Variants in PFKP observed in about 807,000 individuals in gnomAD.
The protein encoded by PFKP is ATP-dependent 6-phosphofructokinase, platelet type.
A neutral mutation model predicts 94.3 loss-of-function variants in PFKP; 101 were observed. The observed-to-expected ratio is 1.07, with a 90% CI of 0.91 to 1.26. The LOEUF (loss-of-function observed/expected upper bound fraction) is 1.26. Among genes scored for constraint, PFKP ranks in the 50% most tolerant of loss-of-function variants. The pLI is 0.00. For missense variants in PFKP, 1,145 were observed against 1,103.3 expected (o/e 1.04, Z -0.53); for synonymous variants, 573 against 432.6 (o/e 1.32, Z -4.03).
chr10:3,116,806 G>C lies in PFKP; in HGVS notation c.1402G>C (p.Gly468Arg). 6 of 1,613,908 alleles carry C rather than the reference G, an allele frequency of 3.7e-6. No homozygotes were observed. The highest frequency in any genetic ancestry group is 5.1e-6 in the Non-Finnish European group (6 of 1,179,758). The part of the protein sequence containing the change: ...IKEIGWTDVG[G>R]WTGQGGSILG... Reference sequence around the variant, plus strand: ...AGAAATCGGCTGGACAGATGTCGGGGGCTGGACCGGCCAAGGAGGCTCCAT... The same window carrying C: ...AGAAATCGGCTGGACAGATGTCGGGCGCTGGACCGGCCAAGGAGGCTCCAT... Residue 468 changes from glycine to arginine, a missense_variant, in exon 14 of 22, where the codon GGC (glycine) becomes CGC (arginine). This residue lies in a region of PFKP where 1,119 missense variants were observed against 1,062.8 expected (regional missense o/e 1.05). Transcript: ENST00000381125.
intron 10 of PFKP, among the ~76,000 whole-genome samples, chr10:3,110,311 G>T (rs1465821324): frequency 2.0e-5 from 3 of 150,954 alleles, no homozygotes; most frequent in African/African-American, 2.4e-5. Context: ...CCATTCTCCT[G>T]CCTCAGCCTT....
intron 5 of PFKP, chr10:3,104,885 G>C: frequency 1.6e-6 from 1 of 609,224 alleles, no homozygotes; most frequent in Non-Finnish European, 2.9e-6. Context: ...AGAGCGCAGA[G>C]GTGGCTCAAG....
At chr10:3,093,833 TGG>T (rs1834259516) in intron 2 of PFKP, among the ~76,000 whole-genome samples, 1 of 151,918 alleles carries the variant, frequency 6.6e-6, no homozygotes, top group African/African-American at 2.4e-5. Flanking sequence ...TTAGTAGAGG[TGG>T]GGTTTCACCG....
chr10:3,079,255 GAC>G (rs1005121692), intron 1 of PFKP, among the ~76,000 whole-genome samples: 5 of 149,948 alleles, frequency 3.3e-5, no homozygotes, highest in Admixed American at 3.3e-4. Flanking sequence ...TTTTTTCTGA[GAC>G]AGAGTCTCGC....
chr10:3,101,225 A>G, intron 3 of PFKP, 140 bp from the exon 4 acceptor site: 1 of 780,438 alleles, frequency 1.3e-6, no homozygotes. Context: ...ACAGTCTTTC[A>G]TAGCTAGTTA....
intron 18 of PFKP, among the ~76,000 whole-genome samples, chr10:3,132,795 C>T (rs1838746620): frequency 6.6e-6 from 1 of 152,166 alleles, no homozygotes. Flanking sequence ...TACCCGCCCC[C>T]TGTATACACG....
chr10:3,073,834 G>T (rs570516313), intron 1 of PFKP, among the ~76,000 whole-genome samples: 105 of 149,060 alleles, frequency 7.0e-4, no homozygotes, highest in African/African-American at 1.2e-3. Context: ...TGTTTTTTTT[G>T]TTTGTTTGTT....
intron 10 of PFKP, among the ~76,000 whole-genome samples, chr10:3,111,029 T>A (rs1337250953): frequency 6.6e-6 from 1 of 152,122 alleles, no homozygotes; most frequent in Non-Finnish European, 1.5e-5. Context: ...CATGTTAGTG[T>A]GTGCATGTAT....
intron 16 of PFKP, among the ~76,000 whole-genome samples, chr10:3,124,878 A>G (rs1489010631): frequency 4.0e-5 from 6 of 151,858 alleles, no homozygotes; most frequent in Admixed American, 2.6e-4. Flanking sequence ...ACCCCCTTTC[A>G]TGAGGACCTG....
intron 2 of PFKP, among the ~76,000 whole-genome samples, chr10:3,084,679 C>G (rs10903956): frequency 1.4e-5 from 2 of 140,782 alleles, no homozygotes; most frequent in African/African-American, 5.1e-5. Flanking sequence ...GCACAGTAGA[C>G]GCGGTCTCCA....
intron 2 of PFKP, among the ~76,000 whole-genome samples, chr10:3,098,413 C>T (rs145655544): frequency 0.013 from 1,940 of 152,098 alleles, 12 homozygotes; most frequent in Middle Eastern, 0.024. Flanking sequence ...CGGTGGCTCA[C>T]GCCTGTAATT....
At chr10:3,127,278 C>T (rs557450189) in intron 16 of PFKP, among the ~76,000 whole-genome samples, 1 of 152,270 alleles carries the variant, frequency 6.6e-6, no homozygotes, top group Non-Finnish European at 1.5e-5. Flanking sequence ...GGGCGTGGCT[C>T]AGGTGTCAGG....
At chr10:3,081,242 G>A (rs1237927348) in intron 1 of PFKP, among the ~76,000 whole-genome samples, 1 of 152,114 alleles carries the variant, frequency 6.6e-6, no homozygotes, top group East Asian at 1.9e-4. Context: ...CAGCATCGCT[G>A]ACCTGGCCCA....
At chr10:3,121,260 T>G (rs11251728) in intron 16 of PFKP, among the ~76,000 whole-genome samples, 1 of 152,062 alleles carries the variant, frequency 6.6e-6, no homozygotes, top group Non-Finnish European at 1.5e-5. Context: ...ACGTTGCTTC[T>G]GTTCTCCTGG....
intron 20 of PFKP, 110 bp from the exon 21 acceptor site, chr10:3,135,626 G>C (rs1449587938): frequency 7.4e-6 from 5 of 671,246 alleles, no homozygotes; most frequent in African/African-American, 1.8e-5. Context: ...TTCCAGGCCG[G>C]GTTCAGCATG....
intron 2 of PFKP, among the ~76,000 whole-genome samples, chr10:3,087,430 C>T (rs1235250449): frequency 2.0e-5 from 3 of 152,080 alleles, no homozygotes; most frequent in Admixed American, 6.5e-5. Context: ...CCCCTGCCCT[C>T]GGTGGGGAAG....
chr10:3,099,880 C>G (rs1307794001), intron 3 of PFKP, among the ~76,000 whole-genome samples: 1 of 150,696 alleles, frequency 6.6e-6, no homozygotes, highest in Non-Finnish European at 1.5e-5. Flanking sequence ...GTGTGAATCT[C>G]GGTGTGTGTG....
At chr10:3,082,537 C>A in intron 2 of PFKP, 76 bp downstream of exon 2, 3 of 982,354 alleles carry the variant, frequency 3.1e-6, no homozygotes, top group East Asian at 2.6e-5. Context: ...CGCTCGCTCA[C>A]CCCTGCCTCC....
chr10:3,111,370 G>C (rs939270174), intron 10 of PFKP, among the ~76,000 whole-genome samples: 2 of 151,878 alleles, frequency 1.3e-5, no homozygotes, highest in Non-Finnish European at 2.9e-5. Flanking sequence ...GTGTGTGCCT[G>C]TGTGCATGTG....
Sources: allele counts gnomAD v4.1 joint callset (sites outside exome capture counted in the v4.1 genomes callset), GRCh38; gene constraint gnomAD v4.1.1; regional missense constraint gnomAD v4.1.1; transcripts MANE v1.5; gene names NCBI Gene and HGNC (gene_info 2026-07-23, HGNC 2026-07-21).